BACH2: variants seen among roughly 807,000 people sequenced by gnomAD.
The protein encoded by BACH2 is BACH transcriptional regulator 2.
In BACH2, 5 loss-of-function variants were observed where a neutral mutation model predicts 61.8. The observed-to-expected ratio is 0.08, with a 90% CI of 0.04 to 0.17. The LOEUF (loss-of-function observed/expected upper bound fraction) is 0.17. Among genes scored for constraint, BACH2 ranks in the 10% least tolerant of loss-of-function variants. The pLI is 1.00. For synonymous variants in BACH2, 446 were observed against 440.1 expected, an observed-to-expected ratio of 1.01 and a Z score of -0.17; for missense variants, 824 against 1,091.1, an observed-to-expected ratio of 0.76 and a Z score of 3.45.
chr6:89,983,643 TG>T (rs1384629327), intron 6 of BACH2, among the ~76,000 whole-genome samples: 1 of 152,200 alleles, frequency 6.6e-6, no homozygotes, highest in Non-Finnish European at 1.5e-5. Context: ...CACTCCAGCC[TG>T]GGTGACAAGA....
chr6:89,979,904 A>G (rs1173712324), intron 6 of BACH2, among the ~76,000 whole-genome samples: 2 of 152,230 alleles, frequency 1.3e-5, no homozygotes, highest in African/African-American at 2.4e-5. Context: ...CTGCATTTGC[A>G]TGAACCAAAT....
intron 4 of BACH2, among the ~76,000 whole-genome samples, chr6:90,100,686 TACACACACACACACAGACACACACAC>T (rs1286045221): frequency 7.2e-4 from 39 of 54,498 alleles, no homozygotes; most frequent in South Asian, 4.9e-3. Flanking sequence ...TCTCTCTCTC[TACACACACACACACAGACACACACAC>T]ACACACACAC....
Position 89,931,720 on chromosome 6 carries a change from T to C in BACH2, c.*688A>G, listed in dbSNP as rs1584491974. 1.3e-5 allele frequency: 2 copies of C among 152,426 alleles called. No homozygotes were observed. Among genetic ancestry groups the C allele is most frequent in the Admixed American group, 1.3e-4 (2 of 15,240 alleles). The allele number at this position is 152,426 out of a possible 1,614,324, so 9.4% of individuals were successfully genotyped here. ...CGAAAAAGAAATCTGAAATAAAACC[T>C]TGGGAAAAAGCTTCCAACACTGAAT... On this transcript the variant is annotated 3_prime_UTR_variant, in exon 9 of 9. Transcript: ENST00000257749.
At chr6:89,949,318 A>G (rs1413060834) in intron 7 of BACH2, among the ~76,000 whole-genome samples, 1 of 152,068 alleles carries the variant, frequency 6.6e-6, no homozygotes, top group Non-Finnish European at 1.5e-5. Context: ...GGGGTCTGAG[A>G]CACAGGTAGC....
At position 90,012,473 on chromosome 6, in the gene BACH2, C is replaced by A. The variant is rs12192679; in HGVS notation, c.-12-3617G>T. Reference sequence around the variant, plus strand: ...GCTGAAACCCCATCTCTACTAAAAACGCAAAAATTAGCCAGGCATGGTAGC... The same window carrying A: ...GCTGAAACCCCATCTCTACTAAAAAAGCAAAAATTAGCCAGGCATGGTAGC... On this transcript the variant is annotated intron_variant, in intron 5 of 8. Coordinates refer to ENST00000257749, the MANE Select transcript of BACH2 (RefSeq NM_021813.4). Among the ~76,000 whole-genome samples, 4 of 151,178 alleles carry A rather than the reference C, an allele frequency of 2.6e-5. No homozygotes were observed. In the South Asian group the frequency reaches 8.4e-4, roughly 32 times the overall value.
At chr6:90,034,174 A>G (rs941642825) in intron 5 of BACH2, among the ~76,000 whole-genome samples, 2 of 152,316 alleles carry the variant, frequency 1.3e-5, no homozygotes, top group Middle Eastern at 3.4e-3. Flanking sequence ...TGATACACAG[A>G]GAAGCATACC....
At chr6:90,190,158 T>C (rs1279052221) in intron 4 of BACH2, among the ~76,000 whole-genome samples, 1 of 152,220 alleles carries the variant, frequency 6.6e-6, no homozygotes, top group African/African-American at 2.4e-5. Flanking sequence ...TTGGCCAAAC[T>C]GGTCTTGAAC....
Position 89,945,705 on chromosome 6 carries a change from G to C in BACH2, c.1836+4565C>G, listed in dbSNP as rs535150771. Among the ~76,000 whole-genome samples the C allele has an allele frequency of 2.0e-5, 3 of 152,140 alleles. No individual in the cohort carries two copies. The East Asian group carries it at 5.8e-4, about 29-fold the overall frequency. ...TTAGTAGGGTGGATTTTATGATATG[G>C]GAATTATGTCTTAATTTAAAAAATA... On this transcript the variant is annotated intron_variant, in intron 7 of 8. Coordinates refer to ENST00000257749, the MANE Select transcript of BACH2 (RefSeq NM_021813.4).
intron 6 of BACH2, among the ~76,000 whole-genome samples, chr6:89,967,748 AGG>A (rs1775121895): frequency 6.6e-6 from 1 of 152,188 alleles, no homozygotes. Context: ...TCAAAGCAAA[AGG>A]GAAAACTAAT....
intron 2 of BACH2, among the ~76,000 whole-genome samples, chr6:90,258,261 C>A (rs1477199481): frequency 1.3e-5 from 2 of 152,086 alleles, no homozygotes; most frequent in African/African-American, 4.8e-5. Context: ...CGATAACAGT[C>A]CAATTCCATT....
chr6:89,990,435 C>T (rs901696180), intron 6 of BACH2, among the ~76,000 whole-genome samples: 1 of 152,186 alleles, frequency 6.6e-6, no homozygotes, highest in African/African-American at 2.4e-5. Context: ...TGGTCACCTA[C>T]TCATCTTGCC....
intron 2 of BACH2, among the ~76,000 whole-genome samples, chr6:90,266,515 T>C (rs55885254): frequency 0.25 from 37,992 of 152,034 alleles, 5,643 homozygotes; most frequent in Non-Finnish European, 0.34. Flanking sequence ...TATCAACTGG[T>C]AAATGGATAA....
At chr6:90,241,957 A>G (rs979700607) in intron 3 of BACH2, among the ~76,000 whole-genome samples, 1 of 149,316 alleles carries the variant, frequency 6.7e-6, no homozygotes, top group Non-Finnish European at 1.5e-5. Flanking sequence ...TTATTAGTAG[A>G]CTATTTTTTA....
At chr6:90,187,458 C>T (rs1435381281) in intron 4 of BACH2, among the ~76,000 whole-genome samples, 3 of 152,182 alleles carry the variant, frequency 2.0e-5, no homozygotes, top group Non-Finnish European at 4.4e-5. Flanking sequence ...CTAACATCAC[C>T]GTGCAGTCAT....
chr6:90,105,565 T>C (rs568071619), intron 4 of BACH2, among the ~76,000 whole-genome samples: 2 of 152,320 alleles, frequency 1.3e-5, no homozygotes, highest in South Asian at 4.1e-4. Context: ...CAATGAACAT[T>C]AGGCTGAACT....
At chr6:90,120,030 C>T (rs866754171) in intron 4 of BACH2, among the ~76,000 whole-genome samples, 2 of 152,318 alleles carry the variant, frequency 1.3e-5, no homozygotes, top group Admixed American at 6.5e-5. Context: ...TGGCTCTCAC[C>T]CCAACTTTAG....
At chr6:90,005,305 G>C (rs1221132113) in intron 6 of BACH2, among the ~76,000 whole-genome samples, 1 of 152,160 alleles carries the variant, frequency 6.6e-6, no homozygotes, top group Non-Finnish European at 1.5e-5. Context: ...GCGGTTGGCT[G>C]CCAAGGGAGT....
chr6:90,095,908 A>G (rs187076295), intron 4 of BACH2, among the ~76,000 whole-genome samples: 1 of 152,308 alleles, frequency 6.6e-6, no homozygotes, highest in Non-Finnish European at 1.5e-5. Context: ...TGACTCAGAG[A>G]GGCAACGTGT....
intron 4 of BACH2, among the ~76,000 whole-genome samples, chr6:90,150,674 C>T (rs181745847): frequency 3.6e-4 from 55 of 152,136 alleles, no homozygotes; most frequent in Middle Eastern, 3.4e-3. Flanking sequence ...AGCATAGTTC[C>T]GAGAAGGGTT....
Sources: allele counts gnomAD v4.1 joint callset (sites outside exome capture counted in the v4.1 genomes callset), GRCh38; gene constraint gnomAD v4.1.1; transcripts MANE v1.5; gene names NCBI Gene and HGNC (gene_info 2026-07-23, HGNC 2026-07-21).